SHH: variants seen among roughly 807,000 people sequenced by gnomAD.
SHH encodes sonic hedgehog signaling molecule.
Under a neutral mutation model 16.6 loss-of-function variants are expected in SHH, and 3 were observed. That is an observed-to-expected ratio of 0.18 (90% confidence interval 0.08 to 0.47). The LOEUF is 0.47. Ranked by LOEUF, SHH falls within the 20% of genes least tolerant of loss-of-function variation. The pLI is 0.98. For synonymous variants in SHH, 351 were observed against 316.2 expected (o/e 1.11, Z -1.17); for missense variants, 499 against 665.0 (o/e 0.75, Z 2.75).
At position 155,807,016 on chromosome 7, in the gene SHH, G is replaced by T. The variant is rs1043485078; in HGVS notation, c.301-459C>A. ...TGCGCAGCCTCCACCTTCTCCCCGC[G>T]TAGAATCCCTCACAGCAGGCCTGAC... is the stretch of plus-strand genomic sequence containing the variant. On this transcript the variant is annotated intron_variant, in intron 1 of 2. Coordinates refer to ENST00000297261, the MANE Select transcript of SHH (RefSeq NM_000193.4). This position sits in a 1 kb window ranked among gnomAD's most constrained non-coding sequence, Gnocchi z 7.1. 12 of 279,688 alleles carry T rather than the reference G, an allele frequency of 4.3e-5. No individual in the cohort carries two copies. The highest frequency in any genetic ancestry group is 1.3e-3 in the Middle Eastern group (1 of 784). The allele number at this position is 279,688 out of a possible 1,614,324, so 17.3% of individuals were successfully genotyped here.
rs1392038433 is a variant in SHH at position 155,811,706 on chromosome 7, G to C, written c.300+117C>G. ...GCGGGCAGGTGGGTGGGGAAGGAGC[G>C]GGTGAAATCACCTTCCTATCTGCCC... On this transcript the variant is annotated intron_variant, in intron 1 of 2. Transcript: ENST00000297261. 4 of 1,000,934 alleles carry C rather than the reference G, an allele frequency of 4.0e-6. No individual in the cohort carries two copies. The Admixed American group carries it at 6.8e-5, about 17-fold the overall frequency. 62.0% of individuals were successfully genotyped at this position (1,000,934 alleles called of 1,614,324 possible).
rs1262172575 is a variant in SHH at position 155,802,566 on chromosome 7, A to C, written c.*334T>G. 4.9e-6 allele frequency: 1 copy of C among 202,650 alleles called. No homozygotes were observed. Among genetic ancestry groups the C allele is most frequent in the Non-Finnish European group, 9.9e-6 (1 of 101,422 alleles). 12.6% of individuals were successfully genotyped at this position (202,650 alleles called of 1,614,324 possible). ...CATGATCATAATAAATTATCCAAGA[A>C]ACAAACTATTTAAGGCTCTTGAAGG... On this transcript the variant is annotated 3_prime_UTR_variant, in exon 3 of 3. Coordinates refer to ENST00000297261, the MANE Select transcript of SHH (RefSeq NM_000193.4).
chr7:155,803,827 T>C, intron 2 of SHH, 101 bp from the exon 3 acceptor site: 1 of 1,074,436 alleles, frequency 9.3e-7, no homozygotes. Flanking sequence ...CCCGCGCTCC[T>C]AGGCCAGGGG....
At chr7:155,806,604 A>G in intron 1 of SHH, 47 bp from the exon 2 acceptor site, 1 of 1,610,004 alleles carries the variant, frequency 6.2e-7, no homozygotes, top group Non-Finnish European at 8.5e-7. Flanking sequence ...TAGCCTGGGC[A>G]ACCGCCACCC....
chr7:155,804,533 C>T (rs535987199), intron 2 of SHH, among the ~76,000 whole-genome samples: 29 of 152,208 alleles, frequency 1.9e-4, no homozygotes, highest in African/African-American at 6.7e-4. Flanking sequence ...GCGGGCCTCC[C>T]CCTCCCTATT....
intron 1 of SHH, among the ~76,000 whole-genome samples, chr7:155,811,410 G>C (rs1232746369): frequency 6.6e-6 from 1 of 152,184 alleles, no homozygotes; most frequent in African/African-American, 2.4e-5. Context: ...ACAGTACCAG[G>C]AGACCACTTC....
At position 155,809,396 on chromosome 7, in the gene SHH, G is replaced by T. The variant is rs1469437525; in HGVS notation, c.300+2427C>A. 6.6e-6 allele frequency among the ~76,000 whole-genome samples: 1 copy of T among 151,986 alleles called. No individual in the cohort carries two copies. The highest frequency in any genetic ancestry group is 1.5e-5 in the Non-Finnish European group (1 of 67,996). On this transcript the variant is annotated intron_variant, in intron 1 of 2. Transcript: ENST00000297261. The surrounding 1 kb of genome is among the most constrained non-coding windows in gnomAD (Gnocchi z 6.1). ...GAGCAGGCTCCCCAAACCTCCCGCCGGCCTGGGGCTCCCCTGCCGCCTCCT... is the reference window on the plus strand; with the variant it reads ...GAGCAGGCTCCCCAAACCTCCCGCCTGCCTGGGGCTCCCCTGCCGCCTCCT...
In SHH at chr7:155,801,631, CAG is replaced by C. The variant is rs1289277815; in HGVS notation, c.*1267_*1268del. On this transcript the variant is annotated 3_prime_UTR_variant, in exon 3 of 3. Coordinates refer to ENST00000297261, the MANE Select transcript of SHH (RefSeq NM_000193.4). ...AAGAGCTTCACACAATAAATACAAACAGAGCTGAGGTTTCTCCAGCCATGAGA... is the reference window on the plus strand; with the variant it reads ...AAGAGCTTCACACAATAAATACAAACAGCTGAGGTTTCTCCAGCCATGAGA... The C allele has an allele frequency of 6.6e-6, 1 of 152,262 alleles. No homozygotes were observed. Among genetic ancestry groups the C allele is most frequent in the Non-Finnish European group, 1.5e-5 (1 of 68,050 alleles). 9.4% of individuals were successfully genotyped at this position (152,262 alleles called of 1,614,324 possible). A position where few individuals can be genotyped will look rare whatever the true frequency, so the allele number is the denominator to read the frequency against.
At chr7:155,806,210 C>T in intron 2 of SHH, 86 bp downstream of exon 2, 1 of 1,554,138 alleles carries the variant, frequency 6.4e-7, no homozygotes, top group Non-Finnish European at 8.9e-7. Context: ...CTCAGCCTCC[C>T]CCCAGGTTTC....
At position 155,811,677 on chromosome 7, in the gene SHH, G is replaced by T. The variant is rs905349556; in HGVS notation, c.300+146C>A. On this transcript the variant is annotated intron_variant, in intron 1 of 2. Transcript: ENST00000297261. ...TCTCCTCCAGGAAGAGGAAGAGATGGGGGGCGGGCAGGTGGGTGGGGAAGG... is the reference window on the plus strand; with the variant it reads ...TCTCCTCCAGGAAGAGGAAGAGATGTGGGGCGGGCAGGTGGGTGGGGAAGG... The T allele has an allele frequency of 9.6e-6, 8 of 830,920 alleles. No homozygotes were observed. In the Admixed American group the frequency reaches 1.4e-4, roughly 14 times the overall value. The allele number at this position is 830,920 out of a possible 1,614,324, so 51.5% of individuals were successfully genotyped here. A position where few individuals can be genotyped will look rare whatever the true frequency, so the allele number is the denominator to read the frequency against.
intron 1 of SHH, among the ~76,000 whole-genome samples, chr7:155,808,828 A>C (rs1354514132): frequency 6.6e-6 from 1 of 152,064 alleles, no homozygotes. Context: ...TACCTCCCTG[A>C]TCTGCGAGCC....
At position 155,807,579 on chromosome 7, in the gene SHH, G is replaced by T. The variant is rs534922921; in HGVS notation, c.301-1022C>A. Among the ~76,000 whole-genome samples the T allele has an allele frequency of 1.3e-5, 2 of 152,294 alleles. No homozygotes were observed. Among genetic ancestry groups the T allele is most frequent in the Admixed American group, 6.5e-5 (1 of 15,306 alleles). On this transcript the variant is annotated intron_variant, in intron 1 of 2. Transcript: ENST00000297261. This position sits in a 1 kb window ranked among gnomAD's most constrained non-coding sequence, Gnocchi z 7.1. ...AGGCAGATGCAGACGGGGTTACCTGGGATTCAGATTGTGGGGGTTCCCCTG... is the reference window on the plus strand; with the variant it reads ...AGGCAGATGCAGACGGGGTTACCTGTGATTCAGATTGTGGGGGTTCCCCTG...
intron 1 of SHH, among the ~76,000 whole-genome samples, chr7:155,808,645 G>T (rs1803429808): frequency 2.0e-5 from 3 of 152,334 alleles, no homozygotes; most frequent in South Asian, 4.1e-4. Context: ...GCCCGCGCTG[G>T]GCGGGATTGT....
At chr7:155,805,560 G>C (rs1006221774) in intron 2 of SHH, among the ~76,000 whole-genome samples, 1 of 152,212 alleles carries the variant, frequency 6.6e-6, no homozygotes, top group African/African-American at 2.4e-5. Context: ...ACACAGCCTC[G>C]GGCCGGAGGT....
chr7:155,811,798 C>T, intron 1 of SHH, 25 bp downstream of exon 1: 1 of 1,613,248 alleles, frequency 6.2e-7, no homozygotes, highest in Non-Finnish European at 8.5e-7. Flanking sequence ...GCCACACATT[C>T]CACGCCCCGG....
intron 1 of SHH, among the ~76,000 whole-genome samples, chr7:155,808,071 A>T (rs967689507): frequency 1.4e-5 from 2 of 147,260 alleles, no homozygotes; most frequent in Non-Finnish European, 3.0e-5. Context: ...ATATGGTTGT[A>T]GAGTTCAACA....
At chr7:155,808,709 C>G (rs1021809064) in intron 1 of SHH, among the ~76,000 whole-genome samples, 1 of 152,198 alleles carries the variant, frequency 6.6e-6, no homozygotes, top group African/African-American at 2.4e-5. Flanking sequence ...GGTCGTGTGC[C>G]GCGAATCAAG....
chr7:155,802,076 C>CAAAAAAAAAAAAA lies in SHH; in HGVS notation c.*811_*823dup, dbSNP rs10596345. 159 of 91,070 alleles carry CAAAAAAAAAAAAA rather than the reference C, an allele frequency of 1.7e-3. No individual in the cohort carries two copies. The highest frequency in any genetic ancestry group is 3.7e-3 in the East Asian group (12 of 3,286). The allele number at this position is 91,070 out of a possible 1,614,324, so 5.6% of individuals were successfully genotyped here. A position where few individuals can be genotyped will look rare whatever the true frequency, so the allele number is the denominator to read the frequency against. On this transcript the variant is annotated 3_prime_UTR_variant, in exon 3 of 3. Coordinates refer to ENST00000297261, the MANE Select transcript of SHH (RefSeq NM_000193.4). ...AAAATAACAGTTCTTCCAGTTTGTC[C>CAAAAAAAAAAAAA]AAAAAAAAAAAAAAAAAAAAAAAAG... is the stretch of plus-strand genomic sequence containing the variant.
chr7:155,803,087 C>G lies in SHH; in HGVS notation c.1202G>C (p.Ser401Thr). ...GCCGCCCCCGCGGTCCCCGCCGCCG[C>G]TGTCCCCGCCGCGGTCCGTGCGCGC... is the stretch of plus-strand genomic sequence containing the variant. ...APARTDRGGD[S>T]GGGDRGGGGG... is the part of the protein sequence containing the mutation. Residue 401 changes from serine (S) to threonine (T), a missense_variant, in exon 3 of 3, where the codon AGC (serine) becomes ACC (threonine). Physicochemically the swap from Ser to Thr is moderately conservative, Grantham distance 58. This residue lies in a region of SHH where 299 missense variants were observed against 301.1 expected (regional missense o/e 0.99). Coordinates refer to ENST00000297261, the MANE Select transcript of SHH (RefSeq NM_000193.4). The G allele has an allele frequency of 7.4e-7, 1 of 1,351,574 alleles. No homozygotes were observed. Among genetic ancestry groups the G allele is most frequent in the Non-Finnish European group, 9.5e-7 (1 of 1,052,590 alleles). The allele number at this position is 1,351,574 out of a possible 1,614,324, so 83.7% of individuals were successfully genotyped here.
Sources: allele counts gnomAD v4.1 joint callset (sites outside exome capture counted in the v4.1 genomes callset), GRCh38; gene constraint gnomAD v4.1.1; regional missense constraint gnomAD v4.1.1; non-coding constraint Gnocchi (gnomAD v3.1); transcripts MANE v1.5; gene names NCBI Gene and HGNC (gene_info 2026-07-23, HGNC 2026-07-21).